Variants in CNTN5 observed in about 807,000 individuals in gnomAD.
CNTN5 encodes contactin-5.
A neutral mutation model predicts 129.1 loss-of-function variants in CNTN5; 77 were observed. The ratio of observed to expected loss-of-function variants is 0.60; its 90% CI spans 0.50 to 0.72. The LOEUF is 0.72. Ranked by LOEUF, CNTN5 falls within the 30% of genes least tolerant of loss-of-function variation. The pLI, the probability that CNTN5 is intolerant of heterozygous loss-of-function variation, is 0.00. For missense variants in CNTN5, 1,478 were observed against 1,328.8 expected (o/e 1.11, Z -1.75); for synonymous variants, 509 against 465.6 (o/e 1.09, Z -1.20).
chr11:99,226,272 G>T (rs17133299), intron 1 of CNTN5, among the ~76,000 whole-genome samples: 2,649 of 152,244 alleles, frequency 0.017, 43 homozygotes, highest in African/African-American at 0.038. Context: ...AGACACTAAC[G>T]TGAGGGTCTT....
At chr11:100,217,545 C>A (rs2138606991) in intron 15 of CNTN5, among the ~76,000 whole-genome samples, 1 of 152,282 alleles carries the variant, frequency 6.6e-6, no homozygotes, top group East Asian at 1.9e-4. Flanking sequence ...AAAGCACAAG[C>A]TAATGCATAA....
At chr11:100,335,041 C>A (rs977430819) in intron 21 of CNTN5, among the ~76,000 whole-genome samples, 1 of 149,366 alleles carries the variant, frequency 6.7e-6, no homozygotes, top group Admixed American at 6.7e-5. Context: ...TCCATTATAG[C>A]AAATGTACTA....
chr11:100,091,933 A>G (rs11222726), intron 13 of CNTN5, among the ~76,000 whole-genome samples: 50,735 of 151,886 alleles, frequency 0.33, 8,616 homozygotes, highest in South Asian at 0.45. Context: ...ACCTCACAAA[A>G]GTGTGTGTAG....
intron 1 of CNTN5, among the ~76,000 whole-genome samples, chr11:99,104,727 A>G (rs1196446707): frequency 2.0e-5 from 3 of 152,110 alleles, no homozygotes. Flanking sequence ...TAAAAATGCA[A>G]GAAAGAAAAA....
intron 6 of CNTN5, among the ~76,000 whole-genome samples, chr11:99,877,472 T>C (rs1948663227): frequency 6.6e-6 from 1 of 152,204 alleles, no homozygotes; most frequent in African/African-American, 2.4e-5. Context: ...TCTTGGCTCC[T>C]AAGTGACAGA....
chr11:99,670,632 A>G (rs1591453859), intron 3 of CNTN5, among the ~76,000 whole-genome samples: 2 of 152,188 alleles, frequency 1.3e-5, no homozygotes, highest in South Asian at 2.1e-4. Flanking sequence ...GATGTTCACC[A>G]TTTTCTCTAC....
chr11:99,863,732 A>G (rs1472916587), intron 6 of CNTN5, among the ~76,000 whole-genome samples: 1 of 152,216 alleles, frequency 6.6e-6, no homozygotes, highest in Admixed American at 6.5e-5. Flanking sequence ...TTGTTAGCCT[A>G]AACTAAAATA....
chr11:99,692,761 G>T (rs1236915773), intron 3 of CNTN5, among the ~76,000 whole-genome samples: 1 of 151,908 alleles, frequency 6.6e-6, no homozygotes, highest in Non-Finnish European at 1.5e-5. Context: ...CGTATTTTAA[G>T]TGTTCCTATA....
intron 1 of CNTN5, among the ~76,000 whole-genome samples, chr11:99,248,429 G>A (rs1325945606): frequency 1.3e-5 from 2 of 152,196 alleles, no homozygotes; most frequent in Middle Eastern, 3.4e-3. Flanking sequence ...TCACTCTGAT[G>A]GTAGTTTCTT....
At chr11:99,866,167 T>C (rs1429173694) in intron 6 of CNTN5, among the ~76,000 whole-genome samples, 3 of 152,282 alleles carry the variant, frequency 2.0e-5, no homozygotes, top group Non-Finnish European at 4.4e-5. Flanking sequence ...CCAAGTGACT[T>C]GTCACGAATG....
intron 3 of CNTN5, among the ~76,000 whole-genome samples, chr11:99,771,937 G>A (rs1204859923): frequency 6.6e-6 from 1 of 151,702 alleles, no homozygotes; most frequent in Non-Finnish European, 1.5e-5. Context: ...ATACAAGTAT[G>A]CTTTACCCAT....
chr11:99,646,811 A>T (rs1427858824), intron 3 of CNTN5, among the ~76,000 whole-genome samples: 9 of 18,884 alleles, frequency 4.8e-4, no homozygotes, highest in Admixed American at 9.9e-4. Flanking sequence ...TCAATTCTTA[A>T]AAAAAAAAAA....
chr11:100,112,031 A>G (rs568901156), intron 13 of CNTN5, among the ~76,000 whole-genome samples: 1 of 152,156 alleles, frequency 6.6e-6, no homozygotes, highest in East Asian at 1.9e-4. Flanking sequence ...AAATATTCTG[A>G]CTCTATCCTT....
At chr11:99,324,543 T>A (rs1342316894) in intron 1 of CNTN5, among the ~76,000 whole-genome samples, 1 of 152,204 alleles carries the variant, frequency 6.6e-6, no homozygotes, top group Non-Finnish European at 1.5e-5. Context: ...GTAGCTACGC[T>A]AGGTTTTCAA....
At chr11:99,679,154 A>G in intron 3 of CNTN5, among the ~76,000 whole-genome samples, 1 of 147,304 alleles carries the variant, frequency 6.8e-6, no homozygotes, top group African/African-American at 2.5e-5. Context: ...AAGTACATAT[A>G]ACCTCTATAT....
intron 1 of CNTN5, among the ~76,000 whole-genome samples, chr11:99,215,398 A>G (rs1860064033): frequency 6.6e-6 from 1 of 152,172 alleles, no homozygotes; most frequent in Non-Finnish European, 1.5e-5. Context: ...GAAATGATCA[A>G]AGAAACAAAT....
chr11:99,921,886 C>G (rs1949948708), intron 7 of CNTN5, among the ~76,000 whole-genome samples: 1 of 152,094 alleles, frequency 6.6e-6, no homozygotes, highest in Admixed American at 6.6e-5. Flanking sequence ...GAAAACCTTT[C>G]TTAAAATTTA....
chr11:100,269,073 C>G (rs908578233), intron 17 of CNTN5, among the ~76,000 whole-genome samples: 1 of 152,120 alleles, frequency 6.6e-6, no homozygotes, highest in African/African-American at 2.4e-5. Context: ...CCATTTGCAT[C>G]AGGAAGACAA....
At chr11:99,560,363 G>C (rs1202363780) in intron 3 of CNTN5, among the ~76,000 whole-genome samples, 1 of 151,440 alleles carries the variant, frequency 6.6e-6, no homozygotes, top group Admixed American at 6.6e-5. Flanking sequence ...AGCTATCTCA[G>C]CTCACTGCCA....
Sources: gnomAD v4.1 joint callset for allele counts (sites outside exome capture counted in the v4.1 genomes callset) on GRCh38, gnomAD v4.1.1 for gene constraint, MANE v1.5 for transcripts, NCBI Gene and HGNC (gene_info 2026-07-23, HGNC 2026-07-21) for gene names.